Variants in GPC5 observed in about 807,000 individuals in gnomAD.
GPC5 encodes glypican 5, also known as glypican-5.
Under a neutral mutation model 53.9 loss-of-function variants are expected in GPC5, and 47 were observed. The ratio of observed to expected loss-of-function variants is 0.87; its 90% CI spans 0.69 to 1.11. GPC5 has a LOEUF of 1.11. GPC5 is among the 50% of genes most tolerant of loss of function. The pLI is 0.00. For synonymous variants in GPC5, 286 were observed against 263.3 expected, an observed-to-expected ratio of 1.09 and a Z score of -0.84; for missense variants, 748 against 713.1, an observed-to-expected ratio of 1.05 and a Z score of -0.56.
intron 7 of GPC5, among the ~76,000 whole-genome samples, chr13:92,419,166 G>A (rs1297956905): frequency 6.6e-6 from 1 of 152,128 alleles, no homozygotes; most frequent in Non-Finnish European, 1.5e-5. Flanking sequence ...ACTGCCACCT[G>A]GGTCATCAAA....
chr13:92,287,479 G>A (rs9584011), intron 7 of GPC5, among the ~76,000 whole-genome samples: 1,862 of 152,174 alleles, frequency 0.012, 47 homozygotes, highest in African/African-American at 0.042. Flanking sequence ...GTAGAATTGT[G>A]TATTTTTTTC....
intron 6 of GPC5, among the ~76,000 whole-genome samples, chr13:92,137,069 TTC>T (rs1383892618): frequency 6.6e-6 from 1 of 151,860 alleles, no homozygotes; most frequent in Non-Finnish European, 1.5e-5. Flanking sequence ...GTTTTTTTTT[TTC>T]ATCCTGTCCT....
chr13:91,982,875 TC>T lies in GPC5; in HGVS notation c.1401+74820del, dbSNP rs377278596. On this transcript the variant is annotated intron_variant, in intron 6 of 7. Transcript: ENST00000377067. ...CAGCAACATAAGGAAGAGAAGAGCT[TC>T]CGAGTCAGGGTAACCTTTACTCACA... 9.3e-4 allele frequency among the ~76,000 whole-genome samples: 141 copies of T among 152,302 alleles called. 7 individuals are homozygous for T. In the South Asian group the frequency reaches 0.029, roughly 31 times the overall value.
chr13:91,658,701 T>C (rs901310615), intron 2 of GPC5, among the ~76,000 whole-genome samples: 2 of 152,216 alleles, frequency 1.3e-5, no homozygotes, highest in Non-Finnish European at 2.9e-5. Flanking sequence ...CTTCCTAAGC[T>C]CTGTGGGGTC....
rs116315366 is a variant in GPC5 at position 92,765,090 on chromosome 13, G to T, written c.1562-101192G>T. ...AGGGTTTATTTAGTGAATGAGAAAT[G>T]ACTTTATGAGAATGAGATACGATGG... On this transcript the variant is annotated intron_variant, in intron 7 of 7. Transcript: ENST00000377067. 6.4e-3 allele frequency among the ~76,000 whole-genome samples: 974 copies of T among 152,222 alleles called. 10 individuals carry two copies. The highest frequency in any genetic ancestry group is 0.022 in the African/African-American group (932 of 41,540).
At chr13:91,428,650 C>T (rs1246884359) in intron 1 of GPC5, among the ~76,000 whole-genome samples, 1 of 152,150 alleles carries the variant, frequency 6.6e-6, no homozygotes, top group Non-Finnish European at 1.5e-5. Flanking sequence ...TGTCTGCCTC[C>T]TATCGCTATC....
chr13:92,481,048 C>A (rs868124743), intron 7 of GPC5, among the ~76,000 whole-genome samples: 5 of 152,104 alleles, frequency 3.3e-5, no homozygotes, highest in South Asian at 2.1e-4. Context: ...TCAGTGGGTT[C>A]TACTTCAGGC....
At chr13:92,556,271 T>G (rs1882490313) in intron 7 of GPC5, among the ~76,000 whole-genome samples, 1 of 151,772 alleles carries the variant, frequency 6.6e-6, no homozygotes, top group Non-Finnish European at 1.5e-5. Context: ...TTAACAAAAT[T>G]TGTGTGATCT....
At chr13:92,774,672 C>T (rs1875735196) in intron 7 of GPC5, among the ~76,000 whole-genome samples, 1 of 152,070 alleles carries the variant, frequency 6.6e-6, no homozygotes, top group African/African-American at 2.4e-5. Context: ...CAATTCAGCA[C>T]AGAAAAAATG....
At chr13:91,625,594 A>G (rs2033978289) in intron 2 of GPC5, among the ~76,000 whole-genome samples, 1 of 152,074 alleles carries the variant, frequency 6.6e-6, no homozygotes, top group African/African-American at 2.4e-5. Flanking sequence ...GGCTATGGGT[A>G]TAATTTAAAA....
At chr13:91,947,631 A>G (rs2039985966) in intron 6 of GPC5, among the ~76,000 whole-genome samples, 1 of 103,282 alleles carries the variant, frequency 9.7e-6, no homozygotes, top group Non-Finnish European at 2.4e-5. Flanking sequence ...GTGCTAGTAG[A>G]GCAGTTGAGA....
intron 7 of GPC5, among the ~76,000 whole-genome samples, chr13:92,671,847 T>A (rs61975942): frequency 6.6e-6 from 1 of 152,036 alleles, no homozygotes; most frequent in African/African-American, 2.4e-5. Flanking sequence ...TTAAAAAGGA[T>A]AAATAAACTG....
At chr13:92,604,877 T>G (rs9589600) in intron 7 of GPC5, among the ~76,000 whole-genome samples, 12,331 of 152,240 alleles carry the variant, frequency 0.081, 1,560 homozygotes, top group African/African-American at 0.27. Flanking sequence ...TATACAAGCT[T>G]TTCTTTTGAT....
chr13:92,855,790 G>T (rs2138849754), intron 7 of GPC5, among the ~76,000 whole-genome samples: 1 of 152,074 alleles, frequency 6.6e-6, no homozygotes, highest in East Asian at 1.9e-4. Context: ...CACCTCCCAA[G>T]ATTGAATCAG....
intron 7 of GPC5, among the ~76,000 whole-genome samples, chr13:92,576,927 T>A (rs1020493498): frequency 6.6e-6 from 1 of 152,234 alleles, no homozygotes; most frequent in African/African-American, 2.4e-5. Context: ...AGTAAACAAC[T>A]GTATCTTAAT....
intron 7 of GPC5, among the ~76,000 whole-genome samples, chr13:92,620,278 G>A (rs1884829087): frequency 6.6e-6 from 1 of 151,898 alleles, no homozygotes; most frequent in Non-Finnish European, 1.5e-5. Context: ...AAAGAATAAA[G>A]AAAATTAAAG....
intron 7 of GPC5, among the ~76,000 whole-genome samples, chr13:92,825,629 C>G (rs1029976630): frequency 9.9e-5 from 15 of 152,054 alleles, no homozygotes; most frequent in Admixed American, 9.8e-4. Context: ...GAATACTGAA[C>G]AGAGTACAAA....
At chr13:92,552,293 C>T in intron 7 of GPC5, among the ~76,000 whole-genome samples, 1 of 151,684 alleles carries the variant, frequency 6.6e-6, no homozygotes. Context: ...CTTAAGAGCA[C>T]ATATGTGGTC....
intron 7 of GPC5, among the ~76,000 whole-genome samples, chr13:92,285,077 A>C (rs190346201): frequency 3.3e-5 from 5 of 152,286 alleles, no homozygotes; most frequent in African/African-American, 1.2e-4. Flanking sequence ...CAAAAATCAC[A>C]AGCATTCTTA....
Sources: gnomAD v4.1 joint callset for allele counts (sites outside exome capture counted in the v4.1 genomes callset) on GRCh38, gnomAD v4.1.1 for gene constraint, MANE v1.5 for transcripts, NCBI Gene and HGNC (gene_info 2026-07-23, HGNC 2026-07-21) for gene names.